MAP3K19: variants seen among roughly 807,000 people sequenced by gnomAD.
The protein encoded by MAP3K19 is mitogen-activated protein kinase kinase kinase 19.
A neutral mutation model predicts 114.4 loss-of-function variants in MAP3K19; 91 were observed. That is an observed-to-expected ratio of 0.80 (90% CI 0.67 to 0.95). The LOEUF (loss-of-function observed/expected upper bound fraction) is 0.95, where lower values mean the gene tolerates loss of function less well. MAP3K19 is among the 40% of genes least tolerant of loss of function. The pLI, the probability that MAP3K19 is intolerant of heterozygous loss-of-function variation, is 0.00. For synonymous variants in MAP3K19, 518 were observed against 530.5 expected (o/e 0.98, Z 0.32); for missense variants, 1,471 against 1,573.2 (o/e 0.94, Z 1.10).
At chr2:135,013,941 G>T (rs1687410854) in intron 5 of MAP3K19, among the ~76,000 whole-genome samples, 1 of 152,072 alleles carries the variant, frequency 6.6e-6, no homozygotes, top group African/African-American at 2.4e-5. Flanking sequence ...AGAGCACTTA[G>T]TAGCTTCCTT....
In MAP3K19 at chr2:134,986,112, A is replaced by T; in HGVS notation, c.2760T>A (p.Tyr920Ter). Residue 920 changes from tyrosine (Y) to a stop codon, truncating the protein, a stop_gained, in exon 10 of 13, where the codon TAT (tyrosine) becomes TAA (stop). Transcript: ENST00000392915. LOFTEE classifies it high-confidence loss of function. ...GATCCAAATAATGTACCCAATATTG[A>T]TATGTCTGGGAAGATGCACTTTCTT... ...AKQESASSQT[Y>*]QYWVHYLDHD... 3 of 1,614,002 alleles carry T rather than the reference A, an allele frequency of 1.9e-6. No individual in the cohort carries two copies. The highest frequency in any genetic ancestry group is 2.2e-5 in the South Asian group (2 of 91,064).
chr2:135,027,382 A>G (rs1319476500), intron 3 of MAP3K19, among the ~76,000 whole-genome samples: 2 of 150,248 alleles, frequency 1.3e-5, no homozygotes, highest in African/African-American at 5.0e-5. Flanking sequence ...AGAAAGAAAG[A>G]AAAAAGAAAG....
chr2:134,977,649 A>AGTTTTTAAATTAG (rs1198087081), intron 12 of MAP3K19, among the ~76,000 whole-genome samples: 24 of 152,170 alleles, frequency 1.6e-4, no homozygotes, highest in Middle Eastern at 3.4e-3. Context: ...GGCGTGAGCC[A>AGTTTTTAAATTAG]CCGCGCCCGG....
rs147635402 is a variant in MAP3K19, at chr2:135,005,515, C to A, written c.155G>T (p.Gly52Val). ...ISRSEEFDQD[G>V]DCSHSTLVNE... ...AACCAGTGTGGAATGACTGCAGTCA[C>A]CATCTTGGTCGAACTCCTGCAATAT... Residue 52 changes from glycine (G) to valine (V), a missense_variant, in exon 6 of 13, where the codon GGT (glycine) becomes GTT (valine). Coordinates refer to ENST00000392915, the MANE Select transcript of MAP3K19 (RefSeq NM_025052.5). The A allele has an allele frequency of 1.1e-5, 18 of 1,613,736 alleles. No individual in the cohort carries two copies. The highest frequency in any genetic ancestry group is 1.7e-5 in the Admixed American group (1 of 59,998).
At chr2:134,983,554 G>C in intron 11 of MAP3K19, 122 bp downstream of exon 11, 1 of 681,248 alleles carries the variant, frequency 1.5e-6, no homozygotes, top group South Asian at 2.1e-5. Context: ...AACTGAAAGA[G>C]TTCTAAGTAA....
intron 2 of MAP3K19, among the ~76,000 whole-genome samples, chr2:135,031,662 G>C (rs1374600961): frequency 6.6e-6 from 1 of 152,200 alleles, no homozygotes; most frequent in East Asian, 1.9e-4. Context: ...GGGGAAGAAG[G>C]GAAGTGGGGA....
chr2:134,981,641 C>T, intron 11 of MAP3K19, 123 bp from the exon 12 acceptor site: 1 of 742,832 alleles, frequency 1.3e-6, no homozygotes, highest in South Asian at 1.9e-5. Context: ...AAGTTGATAC[C>T]TCCCTTCCTA....
intron 4 of MAP3K19, chr2:135,023,744 C>T (rs1688137631): frequency 5.5e-6 from 2 of 363,344 alleles, no homozygotes; most frequent in Admixed American, 7.3e-5. Context: ...TTCCCTAGTT[C>T]TTACCACCAT....
chr2:135,025,500 C>T (rs868562494), intron 3 of MAP3K19, among the ~76,000 whole-genome samples: 58 of 151,534 alleles, frequency 3.8e-4, no homozygotes, highest in Admixed American at 1.3e-3. Flanking sequence ...ATTCTCCTGC[C>T]TCAGCCTCCA....
rs1685070913 is a variant in MAP3K19 at position 134,986,031 on chromosome 2, A to G, written c.2841T>C (p.Ser947=). The G allele has an allele frequency of 1.2e-6, 2 of 1,613,454 alleles. No individual in the cohort carries two copies. Among genetic ancestry groups the G allele is most frequent in the South Asian group, 2.2e-5 (2 of 90,824 alleles). ...ITYQMFGKTL[S]GTNSISQEIM... is the part of the protein sequence containing the mutation. ...TTTCTTGGGAAATTGAATTTGTGCC[A>G]CTTAAGGTTTTTCCAAACATTTGAT... The change falls in exon 10 of 13, where the codon AGT becomes AGC. Residue 947 remains serine (S), a synonymous_variant. Transcript: ENST00000392915.
chr2:135,028,522 C>T (rs1688305798), intron 3 of MAP3K19, among the ~76,000 whole-genome samples: 1 of 148,676 alleles, frequency 6.7e-6, no homozygotes, highest in Non-Finnish European at 1.5e-5. Context: ...CACGCCACTG[C>T]ACTCCAGCCT....
At chr2:135,009,750 A>G (rs760490918) in intron 5 of MAP3K19, among the ~76,000 whole-genome samples, 1 of 152,108 alleles carries the variant, frequency 6.6e-6, no homozygotes, top group Non-Finnish European at 1.5e-5. Context: ...TGCGTTACAC[A>G]TATTAACCCA....
In MAP3K19 at chr2:135,005,378, A is replaced by G. The variant is rs1407114142; in HGVS notation, c.235+57T>C. 4 of 1,271,936 alleles carry G rather than the reference A, an allele frequency of 3.1e-6. No individual in the cohort carries two copies. The African/African-American group carries it at 4.4e-5, about 14-fold the overall frequency. 78.8% of individuals were successfully genotyped at this position (1,271,936 alleles called of 1,614,324 possible). On this transcript the variant is annotated intron_variant, in intron 6 of 12. Coordinates refer to ENST00000392915, the MANE Select transcript of MAP3K19 (RefSeq NM_025052.5). ...ACAATAAGCCCTTCTGAAATTGGAGAGAAGCCCATATGATAATGTTATCTT... is the reference window on the plus strand; with the variant it reads ...ACAATAAGCCCTTCTGAAATTGGAGGGAAGCCCATATGATAATGTTATCTT...
intron 1 of MAP3K19, among the ~76,000 whole-genome samples, chr2:135,046,519 AC>A (rs1367993906): frequency 6.6e-6 from 1 of 151,640 alleles, no homozygotes; most frequent in African/African-American, 2.4e-5. Context: ...CAGGTCATCC[AC>A]CCTCCTTGGC....
At chr2:135,041,637 C>A (rs577252170) in intron 1 of MAP3K19, among the ~76,000 whole-genome samples, 86 of 152,260 alleles carry the variant, frequency 5.6e-4, no homozygotes, top group African/African-American at 1.9e-3. Context: ...CCTGGAGTCT[C>A]TTGCTGTTAG....
intron 1 of MAP3K19, among the ~76,000 whole-genome samples, chr2:135,044,287 A>G (rs547507620): frequency 1.4e-4 from 21 of 152,294 alleles, no homozygotes; most frequent in Admixed American, 2.6e-4. Context: ...TGAGAGTGCT[A>G]CTGCCCAAAA....
chr2:135,013,147 C>T (rs1275832944), intron 5 of MAP3K19, among the ~76,000 whole-genome samples: 1 of 151,974 alleles, frequency 6.6e-6, no homozygotes, highest in East Asian at 1.9e-4. Context: ...TGGTGAAACC[C>T]TGTCTCTACT....
rs762109212 is a variant in MAP3K19, at chr2:134,987,041, T to C, written c.1831A>G (p.Lys611Glu). 1 of 1,613,080 alleles carries C rather than the reference T, an allele frequency of 6.2e-7. No individual in the cohort carries two copies. The highest frequency in any genetic ancestry group is 1.1e-5 in the South Asian group (1 of 91,074). The change falls in exon 10 of 13, where the codon AAG (lysine) becomes GAG (glutamate). Residue 611 changes from lysine (K) to glutamate (E), a missense_variant. Transcript: ENST00000392915. Reference protein sequence around the residue: ...QSTHRTQKPKKQSFPCICKNP... With the variant: ...QSTHRTQKPKEQSFPCICKNP... ...TTACAGATGCAAGGAAATGATTGCT[T>C]TTTAGGTTTCTGAGTCCGGTGAGTT...
intron 9 of MAP3K19, among the ~76,000 whole-genome samples, chr2:134,990,601 C>T (rs1196420652): frequency 6.6e-6 from 1 of 151,990 alleles, no homozygotes; most frequent in Non-Finnish European, 1.5e-5. Context: ...CTCAGCCTCC[C>T]GAGTAGCTGG....
Sources: gnomAD v4.1 joint callset for allele counts (sites outside exome capture counted in the v4.1 genomes callset) on GRCh38, gnomAD v4.1.1 for gene constraint, MANE v1.5 for transcripts, NCBI Gene and HGNC (gene_info 2026-07-23, HGNC 2026-07-21) for gene names.